ZNF704: variants seen among roughly 807,000 people sequenced by gnomAD.
ZNF704 encodes zinc finger protein 704.
Under a neutral mutation model 44.7 loss-of-function variants are expected in ZNF704, and 10 were observed. The observed-to-expected ratio is 0.22, with a 90% confidence interval of 0.14 to 0.38. The LOEUF is 0.38. Ranked by LOEUF, ZNF704 falls within the 10% of genes least tolerant of loss-of-function variation. ZNF704 has a pLI of 1.00. For missense variants in ZNF704, 390 were observed against 545.5 expected, an observed-to-expected ratio of 0.71 and a Z score of 2.84; for synonymous variants, 211 against 207.6, an observed-to-expected ratio of 1.02 and a Z score of -0.14.
At chr8:80,659,818 T>C in intron 6 of ZNF704, 129 bp from the exon 7 acceptor site, 1 of 743,486 alleles carries the variant, frequency 1.3e-6, no homozygotes, top group African/African-American at 1.8e-5. Context: ...AATTATCTAA[T>C]AGGAAGAGAT....
intron 2 of ZNF704, among the ~76,000 whole-genome samples, chr8:80,816,972 A>C (rs1808186664): frequency 6.6e-6 from 1 of 152,176 alleles, no homozygotes; most frequent in Admixed American, 6.5e-5. Flanking sequence ...AACCCCAAGA[A>C]ACTCAGAAGA....
chr8:80,752,543 TA>T (rs745328853), intron 2 of ZNF704, among the ~76,000 whole-genome samples: 25,965 of 139,544 alleles, frequency 0.19, 4,448 homozygotes, highest in African/African-American at 0.46. Flanking sequence ...TAAAAAAACT[TA>T]AAAAAAAAAA....
intron 2 of ZNF704, among the ~76,000 whole-genome samples, chr8:80,708,198 T>C (rs1818926516): frequency 1.3e-5 from 2 of 152,350 alleles, no homozygotes; most frequent in South Asian, 2.1e-4. Flanking sequence ...TGAAATCAAA[T>C]CTATTTATTG....
intron 7 of ZNF704, among the ~76,000 whole-genome samples, chr8:80,656,170 GCT>G (rs989174142): frequency 6.6e-6 from 1 of 152,020 alleles, no homozygotes; most frequent in African/African-American, 2.4e-5. Flanking sequence ...ATGTGCTTGT[GCT>G]CTCTCTCTCG....
intron 1 of ZNF704, among the ~76,000 whole-genome samples, chr8:80,824,874 TGA>T (rs1808345176): frequency 6.6e-6 from 1 of 152,180 alleles, no homozygotes; most frequent in East Asian, 1.9e-4. Context: ...AAACAAATGC[TGA>T]GAGATTTTGT....
chr8:80,728,855 C>T (rs1203499646), intron 2 of ZNF704, among the ~76,000 whole-genome samples: 1 of 152,106 alleles, frequency 6.6e-6, no homozygotes, highest in Non-Finnish European at 1.5e-5. Context: ...GGGAATGACA[C>T]TTCAGAGAAA....
chr8:80,716,060 A>G (rs1468149859), intron 2 of ZNF704, among the ~76,000 whole-genome samples: 24 of 151,800 alleles, frequency 1.6e-4, no homozygotes, highest in Admixed American at 1.6e-3. Context: ...AGCCTGGGCG[A>G]CAAAGTGAGA....
intron 2 of ZNF704, among the ~76,000 whole-genome samples, chr8:80,713,437 G>C (rs975688273): frequency 1.3e-5 from 2 of 152,112 alleles, no homozygotes; most frequent in African/African-American, 4.8e-5. Context: ...CACCTTTTCA[G>C]TTCAGCTGGT....
chr8:80,669,976 C>A (rs1818254305), intron 5 of ZNF704, among the ~76,000 whole-genome samples: 1 of 152,198 alleles, frequency 6.6e-6, no homozygotes, highest in Non-Finnish European at 1.5e-5. Flanking sequence ...ACAGCAACAG[C>A]AGCATCGATT....
In ZNF704 at chr8:80,693,009, G is replaced by A. The variant is rs376552477; in HGVS notation, c.320C>T (p.Pro107Leu). 49 of 1,614,056 alleles carry A rather than the reference G, an allele frequency of 3.0e-5. 2 individuals carry two copies. Among genetic ancestry groups the A allele is most frequent in the Middle Eastern group, 3.3e-4 (2 of 6,024 alleles). ...GTCCCATATCCTGGGCTTACCGTTC[G>A]GCCGCACGGGAGGACTTCGAACCAA... ...SPLVRSPPVR[P>L]NESLSGSWKE... Residue 107 changes from proline to leucine, a missense_variant, in exon 3 of 9, where the codon CCG becomes CTG. Pro to Leu is a moderately conservative substitution (Grantham distance 98). This residue lies in a region of ZNF704 where 305 missense variants were observed against 435.7 expected (regional missense o/e 0.70). Coordinates refer to ENST00000327835, the MANE Select transcript of ZNF704 (RefSeq NM_001033723.3).
chr8:80,875,778 G>C (rs1461691427), upstream of ZNF704, among the ~76,000 whole-genome samples: 1 of 152,240 alleles, frequency 6.6e-6, no homozygotes, highest in African/African-American at 2.4e-5. Flanking sequence ...TGCTCTGTTA[G>C]ACACTTGAAT....
chr8:80,810,763 C>A (rs1210543815), intron 2 of ZNF704, among the ~76,000 whole-genome samples: 1 of 152,180 alleles, frequency 6.6e-6, no homozygotes, highest in South Asian at 2.1e-4. Flanking sequence ...CAGTTATGCA[C>A]AACTGGGAGT....
At chr8:80,691,883 G>A (rs1381861174) in intron 3 of ZNF704, among the ~76,000 whole-genome samples, 1 of 152,148 alleles carries the variant, frequency 6.6e-6, no homozygotes. Flanking sequence ...TCCCCTTGCT[G>A]AAGCACACCA....
intron 7 of ZNF704, among the ~76,000 whole-genome samples, chr8:80,658,348 G>A (rs1479011126): frequency 1.3e-5 from 2 of 150,862 alleles, no homozygotes; most frequent in African/African-American, 2.4e-5. Context: ...TCTCAAAAAT[G>A]TATCAAGAGC....
At chr8:80,687,885 CCCCT>C (rs1466179142) in intron 3 of ZNF704, among the ~76,000 whole-genome samples, 1 of 152,166 alleles carries the variant, frequency 6.6e-6, no homozygotes, top group Middle Eastern at 3.2e-3. Context: ...CTCACCCCAA[CCCCT>C]CCGATTTCAA....
At chr8:80,705,165 C>T (rs1442221644) in intron 2 of ZNF704, among the ~76,000 whole-genome samples, 1 of 152,122 alleles carries the variant, frequency 6.6e-6, no homozygotes, top group Non-Finnish European at 1.5e-5. Context: ...GAGCGTTTAC[C>T]CCTGAATTCT....
At chr8:80,879,976 T>G in the ZNF704 span, among the ~76,000 whole-genome samples, 1 of 152,182 alleles carries the variant, frequency 6.6e-6, no homozygotes, top group South Asian at 2.1e-4. Context: ...CAACCACACA[T>G]GAACCTGAGC....
intron 2 of ZNF704, among the ~76,000 whole-genome samples, chr8:80,743,191 CAA>C (rs59886049): frequency 7.0e-3 from 252 of 35,782 alleles, no homozygotes; most frequent in African/African-American, 0.022. Context: ...CTTGCAACTG[CAA>C]AAAAAAAAAA....
intron 2 of ZNF704, among the ~76,000 whole-genome samples, chr8:80,768,368 GAA>G (rs1322634863): frequency 6.6e-6 from 1 of 152,036 alleles, no homozygotes; most frequent in African/African-American, 2.4e-5. Flanking sequence ...GGCTAAACTG[GAA>G]AAAATCAGCC....
Sources: gnomAD v4.1 joint callset for allele counts (sites outside exome capture counted in the v4.1 genomes callset) on GRCh38, gnomAD v4.1.1 for gene constraint, gnomAD v4.1.1 regional missense constraint, MANE v1.5 for transcripts, NCBI Gene and HGNC (gene_info 2026-07-23, HGNC 2026-07-21) for gene names.